Variants in SATB2 observed in about 807,000 individuals in gnomAD.
SATB2 encodes SATB homeobox 2, also known as DNA-binding protein SATB2.
In SATB2, 1 loss-of-function variant was observed where a neutral mutation model predicts 73.4. The observed-to-expected ratio is 0.01, with a 90% CI of 0.00 to 0.06. The LOEUF is 0.06. Among genes scored for constraint, SATB2 ranks in the 10% least tolerant of loss-of-function variants. The pLI is 1.00. For missense variants in SATB2, 459 were observed against 945.8 expected, an observed-to-expected ratio of 0.49 and a Z score of 6.75; for synonymous variants, 397 against 367.0, an observed-to-expected ratio of 1.08 and a Z score of -0.93.
intron 10 of SATB2, among the ~76,000 whole-genome samples, chr2:199,293,582 G>A (rs1184835714): frequency 3.9e-5 from 6 of 152,112 alleles, no homozygotes; most frequent in Non-Finnish European, 8.8e-5. Context: ...TTGAAAAGCT[G>A]GTCTGGCTGG....
rs183039209 is a variant in SATB2, at chr2:199,370,799, C to T, written c.598-2092G>A. On this transcript the variant is annotated intron_variant, in intron 5 of 10. Transcript: ENST00000417098. ...CTCCTACTGGCTCCGTCGGCAGGTC[C>T]TATATTTCATATAACTCATTTGTAA... is the stretch of plus-strand genomic sequence containing the variant. Among the ~76,000 whole-genome samples the T allele has an allele frequency of 4.7e-3, 722 of 152,190 alleles. 7 individuals are homozygous for T. The highest frequency in any genetic ancestry group is 8.7e-3 in the Non-Finnish European group (591 of 67,986).
chr2:199,439,820 G>T (rs1691757865), intron 2 of SATB2, among the ~76,000 whole-genome samples: 1 of 152,028 alleles, frequency 6.6e-6, no homozygotes, highest in Admixed American at 6.5e-5. Flanking sequence ...TAAAATAATA[G>T]AGGCTGGGCG....
intron 9 of SATB2, among the ~76,000 whole-genome samples, chr2:199,323,409 G>T (rs536946121): frequency 6.6e-6 from 1 of 151,634 alleles, no homozygotes; most frequent in East Asian, 2.0e-4. Flanking sequence ...GAACAGGAAA[G>T]GTGATGAGAC....
At chr2:199,294,343 A>G (rs1692961437) in intron 10 of SATB2, among the ~76,000 whole-genome samples, 1 of 152,188 alleles carries the variant, frequency 6.6e-6, no homozygotes, top group South Asian at 2.1e-4. Flanking sequence ...AAATGACAAG[A>G]AAATTTCTTC....
chr2:199,414,706 C>T (rs1057416589), intron 3 of SATB2, among the ~76,000 whole-genome samples: 6 of 152,114 alleles, frequency 3.9e-5, no homozygotes, highest in Non-Finnish European at 8.8e-5. Context: ...TCCTGCTTGT[C>T]ACGGGCCCCA....
In SATB2 at chr2:199,463,392, C is replaced by T. The variant is rs1348197747; in HGVS notation, c.-141+1444G>A. 6.6e-6 allele frequency among the ~76,000 whole-genome samples: 1 copy of T among 152,182 alleles called. No individual in the cohort carries two copies. Among genetic ancestry groups the T allele is most frequent in the Non-Finnish European group, 1.5e-5 (1 of 68,024 alleles). Reference sequence around the variant, plus strand: ...CTGCCGGGGTTGGGGCCCCGGGTGGCGCTCCCGACCCGCCGCGTTTTCCTT... The same window carrying T: ...CTGCCGGGGTTGGGGCCCCGGGTGGTGCTCCCGACCCGCCGCGTTTTCCTT... On this transcript the variant is annotated intron_variant, in intron 1 of 11. Transcript: ENST00000260926. This position sits in a 1 kb window ranked among gnomAD's most constrained non-coding sequence, Gnocchi z 6.4.
At chr2:199,438,117 AAAATT>A (rs1197711889) in intron 2 of SATB2, among the ~76,000 whole-genome samples, 5 of 152,232 alleles carry the variant, frequency 3.3e-5, no homozygotes, top group East Asian at 1.9e-4. Context: ...CAAATAAAAT[AAAATT>A]ATTTTTTAAA....
intron 7 of SATB2, among the ~76,000 whole-genome samples, chr2:199,337,525 A>T (rs1011372324): frequency 4.4e-4 from 67 of 152,158 alleles, no homozygotes; most frequent in African/African-American, 1.5e-3. Flanking sequence ...TTTTTCTTTC[A>T]TGAAGCCTTT....
intron 10 of SATB2, among the ~76,000 whole-genome samples, chr2:199,278,074 T>C (rs1204336043): frequency 1.3e-5 from 2 of 152,014 alleles, no homozygotes; most frequent in Non-Finnish European, 2.9e-5. Flanking sequence ...AATAAATACA[T>C]AGAGCAATGC....
rs148608261 is a variant in SATB2, at chr2:199,328,845, T to C, written c.1239A>G (p.Val413=). The C allele has an allele frequency of 4.3e-6, 7 of 1,614,012 alleles. No homozygotes were observed. The highest frequency in any genetic ancestry group is 4.0e-5 in the African/African-American group (3 of 75,058). The change falls in exon 8 of 11, where the codon GTA becomes GTG. Residue 413 remains valine, a synonymous_variant. Transcript: ENST00000417098. ...GGAAATTCTGCATGGCCCTCAGGTT[T>C]ACTAGAAGAGACTGAGAGGCTGTCC... ...DPRTASQSLL[V]NLRAMQNFLN...
At chr2:199,427,667 T>A (rs1274060902) in intron 3 of SATB2, among the ~76,000 whole-genome samples, 1 of 151,700 alleles carries the variant, frequency 6.6e-6, no homozygotes, top group Admixed American at 6.6e-5. Flanking sequence ...AATTTCTAAT[T>A]GTTGATCCTA....
At chr2:199,430,266 A>G (rs1691462300) in intron 3 of SATB2, among the ~76,000 whole-genome samples, 2 of 152,264 alleles carry the variant, frequency 1.3e-5, no homozygotes, top group African/African-American at 4.8e-5. Flanking sequence ...GAATAGCAGC[A>G]GTACCCTGGA....
intron 2 of SATB2, among the ~76,000 whole-genome samples, chr2:199,434,139 T>C (rs1691586304): frequency 6.6e-6 from 1 of 152,068 alleles, no homozygotes; most frequent in Non-Finnish European, 1.5e-5. Flanking sequence ...TCCTAGTAAA[T>C]AGGTTATCAA....
At chr2:199,389,776 T>C (rs1197093486) in intron 3 of SATB2, among the ~76,000 whole-genome samples, 1 of 152,184 alleles carries the variant, frequency 6.6e-6, no homozygotes, top group East Asian at 1.9e-4. Context: ...AAGAAGATTA[T>C]TATTTAAAAA....
intron 10 of SATB2, among the ~76,000 whole-genome samples, chr2:199,290,618 CAGGTTAATAAATACCAT>C (rs900892819): frequency 3.9e-5 from 6 of 152,318 alleles, no homozygotes; most frequent in Admixed American, 6.5e-5. Flanking sequence ...ACTTTGTATA[CAGGTTAATAAATACCAT>C]AGGTTAATAA....
chr2:199,309,784 A>C (rs1687542946), intron 9 of SATB2, among the ~76,000 whole-genome samples: 1 of 152,210 alleles, frequency 6.6e-6, no homozygotes, highest in Non-Finnish European at 1.5e-5. Flanking sequence ...CTACATCACT[A>C]ATTTTAAAAA....
chr2:199,350,959 G>A (rs1048930820), intron 6 of SATB2, among the ~76,000 whole-genome samples: 1 of 150,644 alleles, frequency 6.6e-6, no homozygotes, highest in Non-Finnish European at 1.5e-5. Flanking sequence ...AGGAGGCAGA[G>A]GCAAAGGTTG....
chr2:199,446,994 T>C (rs770377849), intron 2 of SATB2, among the ~76,000 whole-genome samples: 7 of 152,200 alleles, frequency 4.6e-5, no homozygotes, highest in Non-Finnish European at 1.0e-4. Context: ...ACTACTCTGA[T>C]GGCCGACATT....
intron 7 of SATB2, among the ~76,000 whole-genome samples, chr2:199,340,792 ATG>A (rs1177484141): frequency 6.6e-6 from 1 of 152,096 alleles, no homozygotes; most frequent in Non-Finnish European, 1.5e-5. Flanking sequence ...TCCCATTCAC[ATG>A]TGGCAGGGCA....
Sources: gnomAD v4.1 joint callset for allele counts (sites outside exome capture counted in the v4.1 genomes callset) on GRCh38, gnomAD v4.1.1 for gene constraint, Gnocchi (gnomAD v3.1) non-coding constraint, MANE v1.5 for transcripts, NCBI Gene and HGNC (gene_info 2026-07-23, HGNC 2026-07-21) for gene names.